SLCO6A1: variants seen among roughly 807,000 people sequenced by gnomAD.
SLCO6A1 encodes cancer/testis antigen 48.
A neutral mutation model predicts 72.7 loss-of-function variants in SLCO6A1; 65 were observed. The observed-to-expected ratio is 0.89, with a 90% confidence interval of 0.73 to 1.10. The LOEUF (loss-of-function observed/expected upper bound fraction) is 1.10, where lower values mean the gene tolerates loss of function less well. SLCO6A1 is among the 50% of genes least tolerant of loss of function. The probability of loss-of-function intolerance (pLI) is 0.00; values close to 1 mark genes in which losing one functional copy is unlikely to be tolerated. For synonymous variants in SLCO6A1, 314 were observed against 298.2 expected, an observed-to-expected ratio of 1.05 and a Z score of -0.55; for missense variants, 874 against 872.6, an observed-to-expected ratio of 1.00 and a Z score of -0.02.
chr5:102,430,673 T>C (rs1749167784), intron 7 of SLCO6A1, among the ~76,000 whole-genome samples: 1 of 152,200 alleles, frequency 6.6e-6, no homozygotes, highest in African/African-American at 2.4e-5. Flanking sequence ...GGATTAGCTT[T>C]TGATGTACTG....
In SLCO6A1 at chr5:102,418,512, T is replaced by C. The variant is rs145264872; in HGVS notation, c.1472+1314A>G. 4.1e-4 allele frequency among the ~76,000 whole-genome samples: 62 copies of C among 152,336 alleles called. No individual in the cohort carries two copies. In the East Asian group the frequency reaches 0.011, roughly 27 times the overall value. ...TTCATTGACATTTTGTTAATTTTTA[T>C]TAATTCTATTTTCTCTCTGTTTTCT... On this transcript the variant is annotated intron_variant, in intron 8 of 13. Transcript: ENST00000506729.
At chr5:102,477,983 AC>A in intron 2 of SLCO6A1, 122 bp from the exon 3 acceptor site, 1 of 902,580 alleles carries the variant, frequency 1.1e-6, no homozygotes, top group Non-Finnish European at 1.7e-6. Context: ...CTTTTAGTTA[AC>A]ATTTCATTTA....
chr5:102,410,894 A>G (rs1170336975), intron 9 of SLCO6A1, among the ~76,000 whole-genome samples: 1 of 152,190 alleles, frequency 6.6e-6, no homozygotes, highest in African/African-American at 2.4e-5. Flanking sequence ...GATAAACCAT[A>G]GAAGGACTAA....
intron 1 of SLCO6A1, among the ~76,000 whole-genome samples, chr5:102,491,663 C>T (rs971113953): frequency 6.6e-6 from 1 of 152,238 alleles, no homozygotes; most frequent in African/African-American, 2.4e-5. Flanking sequence ...TGAGCTCACG[C>T]CCACCCAGAA....
intron 7 of SLCO6A1, among the ~76,000 whole-genome samples, chr5:102,436,295 C>T (rs551319467): frequency 5.9e-5 from 9 of 152,298 alleles, no homozygotes; most frequent in Non-Finnish European, 1.2e-4. Context: ...AAGCCTTAGA[C>T]TCAATGGCTC....
At chr5:102,460,638 C>T (rs1011250872) in intron 4 of SLCO6A1, among the ~76,000 whole-genome samples, 1 of 151,960 alleles carries the variant, frequency 6.6e-6, no homozygotes, top group African/African-American at 2.4e-5. Flanking sequence ...TTAAGACCCC[C>T]TCCAAACAGT....
chr5:102,424,291 C>T (rs139343058), intron 7 of SLCO6A1, among the ~76,000 whole-genome samples: 25 of 151,864 alleles, frequency 1.6e-4, no homozygotes, highest in African/African-American at 6.0e-4. Context: ...CTGAAGGAGA[C>T]AGAGACACAA....
At chr5:102,476,703 ATATAT>A (rs1751916988) in intron 3 of SLCO6A1, among the ~76,000 whole-genome samples, 1 of 152,016 alleles carries the variant, frequency 6.6e-6, no homozygotes, top group South Asian at 2.1e-4. Context: ...AATACATGAA[ATATAT>A]TTAATATAAC....
chr5:102,421,083 G>T (rs140745379), intron 7 of SLCO6A1, among the ~76,000 whole-genome samples: 1 of 152,108 alleles, frequency 6.6e-6, no homozygotes, highest in African/African-American at 2.4e-5. Context: ...GGTGCTATCC[G>T]GCCCAGATAC....
At chr5:102,432,901 G>C (rs1749296996) in intron 7 of SLCO6A1, among the ~76,000 whole-genome samples, 1 of 152,044 alleles carries the variant, frequency 6.6e-6, no homozygotes, top group Non-Finnish European at 1.5e-5. Flanking sequence ...TCTCTTTCAG[G>C]GATGATAGTG....
chr5:102,419,979 C>A lies in SLCO6A1; in HGVS notation c.1319G>T (p.Gly440Val). 1 of 1,587,008 alleles carries A rather than the reference C, an allele frequency of 6.3e-7. No individual in the cohort carries two copies. The highest frequency in any genetic ancestry group is 1.9e-5 in the Admixed American group (1 of 51,408). The change falls in exon 8 of 14, where the codon GGA (glycine) becomes GTA (valine). Residue 440 changes from glycine to valine, a missense_variant. Coordinates refer to ENST00000506729, the MANE Select transcript of SLCO6A1 (RefSeq NM_173488.5). The stretch of plus-strand genomic sequence containing the variant: ...TTCTAATGTGGAAACAATGACACCT[C>A]CCAGAAGCTGGCCAAGTGCACCTCC... Reference protein sequence around the residue: ...IPGGALGQLLGGVIVSTLEMS... With the variant: ...IPGGALGQLLVGVIVSTLEMS...
intron 10 of SLCO6A1, among the ~76,000 whole-genome samples, chr5:102,394,588 G>C (rs147339932): frequency 4.5e-4 from 69 of 151,986 alleles, no homozygotes; most frequent in African/African-American, 1.6e-3. Flanking sequence ...GGAATAGATT[G>C]GTTGAATAAG....
At chr5:102,486,186 T>C (rs1042885342) in intron 1 of SLCO6A1, among the ~76,000 whole-genome samples, 2 of 152,198 alleles carry the variant, frequency 1.3e-5, no homozygotes, top group Admixed American at 6.5e-5. Flanking sequence ...TTTGCCTAGT[T>C]AGAGCAAAGG....
At chr5:102,403,109 T>A (rs1747487408) in intron 9 of SLCO6A1, among the ~76,000 whole-genome samples, 1 of 152,218 alleles carries the variant, frequency 6.6e-6, no homozygotes, top group Non-Finnish European at 1.5e-5. Context: ...AATGTTTGAT[T>A]ACAGTTGCTG....
At chr5:102,426,994 A>G (rs1748929238) in intron 7 of SLCO6A1, among the ~76,000 whole-genome samples, 1 of 152,088 alleles carries the variant, frequency 6.6e-6, no homozygotes, top group African/African-American at 2.4e-5. Flanking sequence ...GGAAACCATC[A>G]TTCTCCACAA....
chr5:102,472,789 G>A (rs569280195), intron 4 of SLCO6A1, among the ~76,000 whole-genome samples: 6 of 151,902 alleles, frequency 3.9e-5, no homozygotes, highest in South Asian at 2.1e-4. Context: ...AGAAATGAGC[G>A]GAAGACTTTA....
Position 102,460,899 on chromosome 5 carries a change from CATATATATATATATAT to C in SLCO6A1, c.900-1138_900-1123del, listed in dbSNP as rs60973292. 6.2e-3 allele frequency among the ~76,000 whole-genome samples: 800 copies of C among 129,940 alleles called. 8 individuals are homozygous for C. The highest frequency in any genetic ancestry group is 9.6e-3 in the Non-Finnish European group (580 of 60,148). 85.2% of individuals were successfully genotyped at this position (129,940 alleles called of 152,430 possible). On this transcript the variant is annotated intron_variant, in intron 4 of 13. Transcript: ENST00000506729. ...CTTGATTGTCATTACCCACTTATCT[CATATATATATATATAT>C]ATATATATATATATATATATATATA...
Position 102,388,751 on chromosome 5 carries a change from C to T in SLCO6A1, c.1954G>A (p.Gly652Arg), listed in dbSNP as rs1232539819. 3 of 1,607,958 alleles carry T rather than the reference C, an allele frequency of 1.9e-6. No individual in the cohort carries two copies. The highest frequency in any genetic ancestry group is 2.2e-5 in the South Asian group (2 of 89,778). ...TATATCCAACAACGTCCTGTGTGTC[C>T]ACATTTATTAACATCCCGTAAAATA... is the stretch of plus-strand genomic sequence containing the variant. ...SCILRDVNKC[G>R]HTGRCWIYNK... The change falls in exon 12 of 14, where the codon GGA becomes AGA. Residue 652 changes from glycine to arginine, a missense_variant. By Grantham distance (125) the Gly-to-Arg change is moderately radical. Transcript: ENST00000506729.
intron 3 of SLCO6A1, among the ~76,000 whole-genome samples, chr5:102,477,347 C>T (rs1751954117): frequency 6.6e-6 from 1 of 152,046 alleles, no homozygotes; most frequent in Admixed American, 6.6e-5. Flanking sequence ...TGGTTTTGAA[C>T]TCCTGACCTC....
Sources: allele counts gnomAD v4.1 joint callset (sites outside exome capture counted in the v4.1 genomes callset), GRCh38; gene constraint gnomAD v4.1.1; transcripts MANE v1.5; gene names NCBI Gene and HGNC (gene_info 2026-07-23, HGNC 2026-07-21).